The following KIF20B variants were observed in gnomAD, a reference collection of about 807,000 sequenced individuals.
KIF20B encodes the protein kinesin family member 20B.
Under a neutral mutation model 232.5 loss-of-function variants are expected in KIF20B, and 188 were observed. The ratio of observed to expected loss-of-function variants is 0.81; its 90% CI spans 0.72 to 0.91. The LOEUF (loss-of-function observed/expected upper bound fraction) is 0.91. Among genes scored for constraint, KIF20B ranks in the 40% least tolerant of loss-of-function variants. KIF20B has a pLI of 0.00. For missense variants in KIF20B, 2,154 were observed against 2,055.9 expected, an observed-to-expected ratio of 1.05 and a Z score of -0.92; for synonymous variants, 712 against 683.0, an observed-to-expected ratio of 1.04 and a Z score of -0.66.
chr10:89,757,448 C>A (rs549605293), intron 26 of KIF20B, among the ~76,000 whole-genome samples: 1 of 151,832 alleles, frequency 6.6e-6, no homozygotes, highest in African/African-American at 2.4e-5. Flanking sequence ...TTCTTACTGC[C>A]TTTTTATGAG....
In KIF20B at chr10:89,768,727, T is replaced by C; in HGVS notation, c.5092-11T>C. On this transcript the variant is annotated splice_polypyrimidine_tract_variant and intron_variant, in intron 30 of 32. Transcript: ENST00000371728. ...CTCATCAACAATAACAAAAAATGTT[T>C]TGTTTATTAGGTTGCCATACGTCCA... 1 of 1,571,992 alleles carries C rather than the reference T, an allele frequency of 6.4e-7. No individual in the cohort carries two copies. Among genetic ancestry groups the C allele is most frequent in the Non-Finnish European group, 8.6e-7 (1 of 1,165,376 alleles).
chr10:89,738,204 A>C lies in KIF20B; in HGVS notation c.3363A>C (p.Ile1121=), dbSNP rs147954246. 2.5e-6 allele frequency: 4 copies of C among 1,604,050 alleles called. No individual in the cohort carries two copies. In the African/African-American group the frequency reaches 4.0e-5, roughly 16 times the overall value. ...DDLLKEKETL[I]QQLKEELQEK... ...TACTAAAAGAAAAAGAAACTCTTATACAGCAGCTGAAAGAAGAATTGCAAG... is the reference window on the plus strand; with the variant it reads ...TACTAAAAGAAAAAGAAACTCTTATCCAGCAGCTGAAAGAAGAATTGCAAG... Residue 1121 remains isoleucine, a synonymous_variant, in exon 20 of 33, where the codon ATA becomes ATC. Coordinates refer to ENST00000371728, the MANE Select transcript of KIF20B (RefSeq NM_001284259.2).
chr10:89,714,541 G>A (rs1484159733), intron 7 of KIF20B, among the ~76,000 whole-genome samples: 1 of 151,902 alleles, frequency 6.6e-6, no homozygotes, highest in Non-Finnish European at 1.5e-5. Context: ...TGGTTACTAA[G>A]GATTTAATTT....
At chr10:89,718,507 T>C (rs998651833) in intron 11 of KIF20B, among the ~76,000 whole-genome samples, 5 of 151,972 alleles carry the variant, frequency 3.3e-5, no homozygotes, top group African/African-American at 1.2e-4. Flanking sequence ...CTAGACCCTG[T>C]CTCAAAACAG....
intron 23 of KIF20B, among the ~76,000 whole-genome samples, chr10:89,749,207 A>G (rs1055922020): frequency 2.6e-5 from 4 of 152,080 alleles, no homozygotes; most frequent in African/African-American, 7.2e-5. Flanking sequence ...CTTTAGAGAG[A>G]AAATGCTCTT....
In KIF20B at chr10:89,726,540, C is replaced by G. The variant is rs949365653; in HGVS notation, c.2230+19C>G. ...GAAAATGGTAAGTGGATACATTTTA[C>G]TTTTATTTAGATATTGTAAACACAT... is the stretch of plus-strand genomic sequence containing the variant. On this transcript the variant is annotated intron_variant, in intron 16 of 32. Transcript: ENST00000371728. 6.6e-7 allele frequency: 1 copy of G among 1,524,840 alleles called. No individual in the cohort carries two copies. The highest frequency in any genetic ancestry group is 8.9e-7 in the Non-Finnish European group (1 of 1,127,862). The allele number at this position is 1,524,840 out of a possible 1,614,324, so 94.5% of individuals were successfully genotyped here.
intron 19 of KIF20B, 147 bp from the exon 20 acceptor site, chr10:89,737,239 CT>C (rs1390880827): frequency 3.3e-6 from 3 of 897,518 alleles, no homozygotes; most frequent in Non-Finnish European, 1.5e-6. Flanking sequence ...CCTGTTTTTT[CT>C]TTTTTTCTCA....
At chr10:89,704,637 A>G (rs537183595) in intron 1 of KIF20B, among the ~76,000 whole-genome samples, 1 of 151,932 alleles carries the variant, frequency 6.6e-6, no homozygotes, top group Non-Finnish European at 1.5e-5. Context: ...ATTCACTGCA[A>G]CCTCTGCCTC....
chr10:89,708,203 G>C (rs551278200), intron 2 of KIF20B, among the ~76,000 whole-genome samples: 1 of 145,578 alleles, frequency 6.9e-6, no homozygotes, highest in South Asian at 2.2e-4. Context: ...AAGAGTTTAT[G>C]TACAATTTGT....
intron 28 of KIF20B, 53 bp from the exon 29 acceptor site, chr10:89,762,585 T>C (rs1403149893): frequency 7.3e-7 from 1 of 1,365,612 alleles, no homozygotes; most frequent in Non-Finnish European, 1.0e-6. Flanking sequence ...TTCTTTGTGG[T>C]TTATAAATGT....
intron 19 of KIF20B, among the ~76,000 whole-genome samples, chr10:89,734,538 C>T (rs1841601850): frequency 6.6e-6 from 1 of 152,104 alleles, no homozygotes; most frequent in South Asian, 2.1e-4. Context: ...TTTGGCTTTT[C>T]CTTTATTTTG....
At chr10:89,707,370 G>A (rs1399867141) in intron 2 of KIF20B, among the ~76,000 whole-genome samples, 1 of 151,984 alleles carries the variant, frequency 6.6e-6, no homozygotes, top group African/African-American at 2.4e-5. Context: ...TTAGCATTTT[G>A]TTAGTATACA....
rs776181165 is a variant in KIF20B at position 89,773,960 on chromosome 10, T to C, written c.5386-11T>C. 1 of 1,505,784 alleles carries C rather than the reference T, an allele frequency of 6.6e-7. No homozygotes were observed. The highest frequency in any genetic ancestry group is 1.3e-5 in the South Asian group (1 of 75,008). The allele number at this position is 1,505,784 out of a possible 1,614,324, so 93.3% of individuals were successfully genotyped here. ...ACAAGCTTTGAAAAACTATGAAATT[T>C]TTAATTTCAGATTTTAATGGACCAG... On this transcript the variant is annotated splice_polypyrimidine_tract_variant and intron_variant, in intron 32 of 32. Transcript: ENST00000371728.
chr10:89,772,700 A>T lies in KIF20B; in HGVS notation c.5254A>T (p.Ile1752Phe). The change falls in exon 32 of 33, where the codon ATT becomes TTT. Residue 1752 changes from isoleucine to phenylalanine, a missense_variant. Ile to Phe is a conservative substitution (Grantham distance 21). Coordinates refer to ENST00000371728, the MANE Select transcript of KIF20B (RefSeq NM_001284259.2). ...SILQSKAKKI[I>F]ETMSSSKLSN... ...ATTTTATTTTATAGCAAAGAAGATA[A>T]TTGAAACAATGAGCTCTTCAAAGCT... 1 of 1,572,808 alleles carries T rather than the reference A, an allele frequency of 6.4e-7. No homozygotes were observed. Among genetic ancestry groups the T allele is most frequent in the South Asian group, 1.2e-5 (1 of 84,278 alleles).
At chr10:89,717,013 C>T (rs1008300890) in intron 9 of KIF20B, among the ~76,000 whole-genome samples, 1 of 152,046 alleles carries the variant, frequency 6.6e-6, no homozygotes, top group African/African-American at 2.4e-5. Flanking sequence ...GAGCCCTGTT[C>T]CCGTAGTCAG....
intron 6 of KIF20B, among the ~76,000 whole-genome samples, chr10:89,713,845 A>T (rs534163793): frequency 6.6e-6 from 1 of 152,140 alleles, no homozygotes; most frequent in African/African-American, 2.4e-5. Flanking sequence ...AGGATTATAC[A>T]TGATAATATT....
chr10:89,756,697 A>T (rs1462668417), intron 26 of KIF20B, among the ~76,000 whole-genome samples: 1 of 152,136 alleles, frequency 6.6e-6, no homozygotes, highest in East Asian at 1.9e-4. Context: ...TTCCAGTGGT[A>T]ATAACTAATC....
At position 89,774,380 on chromosome 10, in the gene KIF20B, C is replaced by T. The variant is rs191086458; in HGVS notation, c.*332C>T. On this transcript the variant is annotated 3_prime_UTR_variant, in exon 33 of 33. Transcript: ENST00000371728. ...TTGGTTTACTTATATTTAACAATGT[C>T]TTATGAATTTTTTTTACTTTATCTG... 330 of 164,060 alleles carry T rather than the reference C, an allele frequency of 2.0e-3. No homozygotes were observed. The highest frequency in any genetic ancestry group is 3.1e-3 in the Non-Finnish European group (238 of 76,224). The allele number at this position is 164,060 out of a possible 1,614,324, so 10.2% of individuals were successfully genotyped here. A position where few individuals can be genotyped will look rare whatever the true frequency, so the allele number is the denominator to read the frequency against.
At chr10:89,724,401 C>T (rs1241616001) in intron 14 of KIF20B, among the ~76,000 whole-genome samples, 1 of 152,008 alleles carries the variant, frequency 6.6e-6, no homozygotes, top group Non-Finnish European at 1.5e-5. Flanking sequence ...CTGGCATGTT[C>T]CTGAAGTCCC....
Sources: allele counts gnomAD v4.1 joint callset (sites outside exome capture counted in the v4.1 genomes callset), GRCh38; gene constraint gnomAD v4.1.1; transcripts MANE v1.5; gene names NCBI Gene and HGNC (gene_info 2026-07-23, HGNC 2026-07-21).